PDSS2: variants seen among roughly 807,000 people sequenced by gnomAD.
PDSS2 encodes the protein all trans-polyprenyl-diphosphate synthase PDSS2.
In PDSS2, 31 loss-of-function variants were observed where a neutral mutation model predicts 44.5. The observed-to-expected ratio is 0.70, with a 90% confidence interval of 0.52 to 0.94. The LOEUF (loss-of-function observed/expected upper bound fraction) is 0.94. Among genes scored for constraint, PDSS2 ranks in the 40% least tolerant of loss-of-function variants. The pLI is 0.00. For missense variants in PDSS2, 452 were observed against 482.2 expected (o/e 0.94, Z 0.59); for synonymous variants, 157 against 180.3 (o/e 0.87, Z 1.03).
At chr6:107,318,054 A>T (rs1777256604) in intron 2 of PDSS2, among the ~76,000 whole-genome samples, 2 of 152,306 alleles carry the variant, frequency 1.3e-5, no homozygotes, top group African/African-American at 4.8e-5. Context: ...AGAAGCTCAG[A>T]TTGGCAGTTA....
intron 1 of PDSS2, among the ~76,000 whole-genome samples, chr6:107,387,123 A>C (rs1779636017): frequency 6.6e-6 from 1 of 152,222 alleles, no homozygotes; most frequent in African/African-American, 2.4e-5. Context: ...ATTGCGGTCC[A>C]CACATTCCCA....
chr6:107,342,093 C>T (rs1282910546), intron 1 of PDSS2, among the ~76,000 whole-genome samples: 1 of 151,850 alleles, frequency 6.6e-6, no homozygotes, highest in African/African-American at 2.4e-5. Flanking sequence ...TATTTGTTCA[C>T]AGGACTCCCT....
chr6:107,193,479 T>C (rs532085879), intron 7 of PDSS2, among the ~76,000 whole-genome samples: 2 of 152,350 alleles, frequency 1.3e-5, no homozygotes, highest in Admixed American at 6.5e-5. Context: ...TGTTTATTTT[T>C]CCTCATCACA....
chr6:107,375,951 T>C (rs1270059736), intron 1 of PDSS2, among the ~76,000 whole-genome samples: 1 of 151,650 alleles, frequency 6.6e-6, no homozygotes, highest in Non-Finnish European at 1.5e-5. Flanking sequence ...TTGACAAAAT[T>C]CAACATCCAT....
intron 1 of PDSS2, among the ~76,000 whole-genome samples, chr6:107,347,005 A>G (rs986652481): frequency 6.6e-5 from 10 of 152,146 alleles, no homozygotes; most frequent in African/African-American, 2.4e-4. Flanking sequence ...AGCCCTGAGT[A>G]GCCCCCATTC....
chr6:107,214,076 G>A (rs1186174466), intron 4 of PDSS2, among the ~76,000 whole-genome samples: 1 of 150,576 alleles, frequency 6.6e-6, no homozygotes, highest in Middle Eastern at 3.2e-3. Flanking sequence ...AACATATATT[G>A]AATATGAAAA....
chr6:107,449,277 T>C (rs1269410259), intron 1 of PDSS2, among the ~76,000 whole-genome samples: 3 of 152,240 alleles, frequency 2.0e-5, no homozygotes, highest in African/African-American at 4.8e-5. Flanking sequence ...ACTTTTGAGA[T>C]AGACTTTTTA....
chr6:107,278,356 AT>A (rs988831989), intron 2 of PDSS2, among the ~76,000 whole-genome samples: 7 of 152,304 alleles, frequency 4.6e-5, no homozygotes, highest in African/African-American at 1.7e-4. Context: ...AACAGAAGAC[AT>A]TTTTTTAAAG....
In PDSS2 at chr6:107,212,108, C is replaced by T. The variant is rs1482713094; in HGVS notation, c.876+1G>A. Reference sequence around the variant, plus strand: ...AAAAAGATAAAGGGTGTGCAAAGTACCTTATGACTCATGGCCATGTGCTTC... The same window carrying T: ...AAAAAGATAAAGGGTGTGCAAAGTATCTTATGACTCATGGCCATGTGCTTC... On this transcript the variant is annotated splice_donor_variant, in intron 5 of 7. Coordinates refer to ENST00000369037, the MANE Select transcript of PDSS2 (RefSeq NM_020381.4). LOFTEE classifies it high-confidence loss of function. 1 of 1,613,162 alleles carries T rather than the reference C, an allele frequency of 6.2e-7. No homozygotes were observed. Among genetic ancestry groups the T allele is most frequent in the Non-Finnish European group, 8.5e-7 (1 of 1,179,178 alleles).
At chr6:107,318,821 T>C (rs559891785) in intron 2 of PDSS2, among the ~76,000 whole-genome samples, 59 of 152,058 alleles carry the variant, frequency 3.9e-4, no homozygotes, top group Non-Finnish European at 7.2e-4. Context: ...ACCCCATCTC[T>C]ACTAAAAACA....
At chr6:107,201,611 C>T (rs906375719) in intron 6 of PDSS2, among the ~76,000 whole-genome samples, 5 of 152,172 alleles carry the variant, frequency 3.3e-5, no homozygotes, top group African/African-American at 1.2e-4. Context: ...GAACTGTTTC[C>T]AATTTCCAAC....
chr6:107,347,841 T>G (rs1778301954), intron 1 of PDSS2, among the ~76,000 whole-genome samples: 1 of 152,164 alleles, frequency 6.6e-6, no homozygotes, highest in Admixed American at 6.5e-5. Context: ...TTGTCCTAAT[T>G]AATATTAAAA....
At position 107,459,160 on chromosome 6, in the gene PDSS2, G is replaced by C; in HGVS notation, c.126C>G (p.Ser42=). 1 of 1,614,182 alleles carries C rather than the reference G, an allele frequency of 6.2e-7. No homozygotes were observed. Among genetic ancestry groups the C allele is most frequent in the South Asian group, 1.1e-5 (1 of 91,086 alleles). ...GATTCCAGTGGGCCGGGGACTTGGAGGACCGACCACGCCAAGAGCCCACCG... is the reference window on the plus strand; with the variant it reads ...GATTCCAGTGGGCCGGGGACTTGGACGACCGACCACGCCAAGAGCCCACCG... ...ISSVGSWRGR[S]SKSPAHWNQV... The change falls in exon 1 of 8, where the codon TCC becomes TCG. Residue 42 remains serine (S), a synonymous_variant. Transcript: ENST00000369037. The surrounding 1 kb of genome is among the most constrained non-coding windows in gnomAD (Gnocchi z 4.3).
At chr6:107,304,911 C>T (rs1723921660) in intron 2 of PDSS2, among the ~76,000 whole-genome samples, 1 of 151,778 alleles carries the variant, frequency 6.6e-6, no homozygotes, top group South Asian at 2.1e-4. Context: ...CCACAGAGTC[C>T]TCTGGACTTC....
chr6:107,306,688 A>G (rs1224163543), intron 2 of PDSS2, among the ~76,000 whole-genome samples: 2 of 152,228 alleles, frequency 1.3e-5, no homozygotes, highest in African/African-American at 4.8e-5. Context: ...ATTATTATAC[A>G]AGGTTTTTAA....
At chr6:107,413,151 C>T (rs867024144) in intron 1 of PDSS2, among the ~76,000 whole-genome samples, 3 of 152,130 alleles carry the variant, frequency 2.0e-5, no homozygotes, top group Middle Eastern at 3.2e-3. Flanking sequence ...TAGTTTATTA[C>T]AGTTTTTGTA....
At chr6:107,413,043 T>C (rs1469617691) in intron 1 of PDSS2, among the ~76,000 whole-genome samples, 1 of 152,240 alleles carries the variant, frequency 6.6e-6, no homozygotes, top group East Asian at 1.9e-4. Flanking sequence ...CTTACTTTAA[T>C]TGAAGCTTTA....
intron 7 of PDSS2, among the ~76,000 whole-genome samples, chr6:107,173,635 C>T (rs1554249213): frequency 2.1e-5 from 3 of 144,886 alleles, no homozygotes; most frequent in South Asian, 4.4e-4. Context: ...TGTCATGCTA[C>T]CAGAACTTAA....
intron 6 of PDSS2, among the ~76,000 whole-genome samples, chr6:107,200,224 T>C (rs937934013): frequency 6.6e-6 from 1 of 152,196 alleles, no homozygotes; most frequent in African/African-American, 2.4e-5. Context: ...TCAAGAGGCA[T>C]TGTGACCTGG....
Sources: allele counts gnomAD v4.1 joint callset (sites outside exome capture counted in the v4.1 genomes callset), GRCh38; gene constraint gnomAD v4.1.1; non-coding constraint Gnocchi (gnomAD v3.1); transcripts MANE v1.5; gene names NCBI Gene and HGNC (gene_info 2026-07-23, HGNC 2026-07-21).